The following COL24A1 variants were observed in gnomAD, a reference collection of about 807,000 sequenced individuals.
COL24A1 encodes collagen alpha-1(XXIV) chain.
Under a neutral mutation model 253.9 loss-of-function variants are expected in COL24A1, and 224 were observed. The ratio of observed to expected loss-of-function variants is 0.88; its 90% CI spans 0.79 to 0.99. The LOEUF (loss-of-function observed/expected upper bound fraction) is 0.99, where lower values mean the gene tolerates loss of function less well. Among genes scored for constraint, COL24A1 ranks in the 50% least tolerant of loss-of-function variants. The probability of loss-of-function intolerance (pLI) is 0.00; values close to 1 mark genes in which losing one functional copy is unlikely to be tolerated. For missense variants in COL24A1, 2,131 were observed against 2,068.5 expected (o/e 1.03, Z -0.59); for synonymous variants, 685 against 673.7 (o/e 1.02, Z -0.26).
upstream of COL24A1, chr1:86,156,775 A>T: frequency 6.2e-6 from 1 of 161,144 alleles, no homozygotes; most frequent in Non-Finnish European, 1.3e-5. Flanking sequence ...ACTCCAGTGG[A>T]GTCCTCTGCT....
At chr1:86,029,737 T>C (rs1698383486) in intron 14 of COL24A1, 1 of 151,632 alleles carries the variant, frequency 6.6e-6, no homozygotes, top group South Asian at 2.1e-4. Flanking sequence ...CACCTCAGCC[T>C]CCTAAACAGC....
chr1:86,153,787 T>C (rs1022613930), intron 1 of COL24A1, among the ~76,000 whole-genome samples: 1 of 152,246 alleles, frequency 6.6e-6, no homozygotes, highest in Non-Finnish European at 1.5e-5. Flanking sequence ...AATTCCTTTT[T>C]GGTTATAAAA....
At chr1:85,888,886 T>G (rs1203207292) in intron 32 of COL24A1, among the ~76,000 whole-genome samples, 2 of 152,152 alleles carry the variant, frequency 1.3e-5, no homozygotes, top group East Asian at 3.8e-4. Context: ...TGCAGTTGTT[T>G]GAAAGACTAT....
chr1:85,767,583 A>G (rs1322224827), intron 53 of COL24A1, among the ~76,000 whole-genome samples: 1 of 152,234 alleles, frequency 6.6e-6, no homozygotes, highest in Admixed American at 6.5e-5. Flanking sequence ...ATTTAGTATC[A>G]GTTATCAGTT....
intron 35 of COL24A1, among the ~76,000 whole-genome samples, chr1:85,873,534 T>C (rs7549218): frequency 0.4 from 61,040 of 152,062 alleles, 12,909 homozygotes; most frequent in South Asian, 0.59. Flanking sequence ...TCATGTTCTT[T>C]GTTGGGACAT....
At chr1:85,872,403 A>C (rs1680628060) in intron 35 of COL24A1, among the ~76,000 whole-genome samples, 1 of 152,214 alleles carries the variant, frequency 6.6e-6, no homozygotes, top group Non-Finnish European at 1.5e-5. Context: ...CCTAAGCCAA[A>C]AGAACAAAGC....
At chr1:85,889,512 G>A (rs770826976) in intron 32 of COL24A1, 48 bp downstream of exon 32, 43 of 1,488,592 alleles carry the variant, frequency 2.9e-5, no homozygotes, top group Middle Eastern at 1.7e-4. Context: ...AAATGTAAAT[G>A]TATTTTATGA....
At chr1:86,102,506 A>G (rs1704558032) in intron 5 of COL24A1, among the ~76,000 whole-genome samples, 1 of 151,736 alleles carries the variant, frequency 6.6e-6, no homozygotes, top group Admixed American at 6.6e-5. Context: ...TTTCTTTTTG[A>G]TATGGGTGTT....
At chr1:86,052,903 T>A (rs968683079) in intron 10 of COL24A1, among the ~76,000 whole-genome samples, 2 of 152,066 alleles carry the variant, frequency 1.3e-5, no homozygotes, top group Non-Finnish European at 2.9e-5. Flanking sequence ...AAAACTTTTT[T>A]AGGTGTTTTT....
At chr1:85,990,896 T>C (rs916240020) in intron 19 of COL24A1, among the ~76,000 whole-genome samples, 2 of 152,202 alleles carry the variant, frequency 1.3e-5, no homozygotes, top group Non-Finnish European at 2.9e-5. Flanking sequence ...GAATCAAGAA[T>C]TTGTTCTGCC....
intron 12 of COL24A1, among the ~76,000 whole-genome samples, chr1:86,042,433 A>G: frequency 6.6e-6 from 1 of 152,128 alleles, no homozygotes. Flanking sequence ...CATTTTGGGA[A>G]AAAAGAATTT....
chr1:85,786,503 A>G lies in COL24A1; in HGVS notation c.3952-42T>C, dbSNP rs778455585. ...AGAAATGAAAACTGGGAAAGTTTCT[A>G]AAAAGTCAGTTTAGAGGCTCAATAA... On this transcript the variant is annotated intron_variant, in intron 47 of 59. Transcript: ENST00000370571. 7.0e-6 allele frequency: 11 copies of G among 1,580,142 alleles called. No individual in the cohort carries two copies. The African/African-American group carries it at 9.5e-5, about 14-fold the overall frequency.
rs751864176 is a variant in COL24A1 at position 85,784,280 on chromosome 1, G to A, written c.4146C>T (p.Asp1382=). The change falls in exon 49 of 60, where the codon GAC becomes GAT. Residue 1382 remains aspartate (D), a synonymous_variant. Coordinates refer to ENST00000370571, the MANE Select transcript of COL24A1 (RefSeq NM_152890.7). ...GAQGDQGPCG[D]PGLKGQPGEY... ...ATACAGGCTGCCCTTTCAGGCCAGG[G>A]TCTCCACATGGTCCTTGATCACCTT... 1.9e-6 allele frequency: 3 copies of A among 1,614,012 alleles called. No individual in the cohort carries two copies. The South Asian group carries it at 3.3e-5, about 18-fold the overall frequency.
chr1:86,026,417 G>A (rs573303376), intron 14 of COL24A1, among the ~76,000 whole-genome samples: 1 of 152,248 alleles, frequency 6.6e-6, no homozygotes, highest in African/African-American at 2.4e-5. Context: ...AGATCATTGG[G>A]GAGGATTCCC....
At chr1:86,151,885 CCTT>C (rs1652825758) in intron 1 of COL24A1, among the ~76,000 whole-genome samples, 1 of 152,110 alleles carries the variant, frequency 6.6e-6, no homozygotes, top group South Asian at 2.1e-4. Flanking sequence ...GAGTTGGTGG[CCTT>C]CTTTTAAACC....
At chr1:86,131,371 T>A (rs1649152575) in intron 2 of COL24A1, among the ~76,000 whole-genome samples, 2 of 152,198 alleles carry the variant, frequency 1.3e-5, no homozygotes, top group East Asian at 1.9e-4. Context: ...GTTTTCTTTT[T>A]TATATATATA....
At chr1:85,784,064 C>T in intron 50 of COL24A1, 49 bp downstream of exon 50, 2 of 1,433,684 alleles carry the variant, frequency 1.4e-6, no homozygotes, top group South Asian at 2.5e-5. Flanking sequence ...TTCAACAGCT[C>T]TTTTATTTCT....
chr1:86,085,925 C>T (rs1703028958), intron 7 of COL24A1, among the ~76,000 whole-genome samples: 2 of 152,146 alleles, frequency 1.3e-5, no homozygotes, highest in Admixed American at 1.3e-4. Context: ...GAGAATACTG[C>T]TGCTAATTTG....
chr1:85,961,530 T>G (rs191498496), intron 23 of COL24A1, among the ~76,000 whole-genome samples: 20 of 152,280 alleles, frequency 1.3e-4, no homozygotes, highest in African/African-American at 4.8e-4. Flanking sequence ...ATAAAAATTT[T>G]TAAAAACTCT....
Sources: allele counts gnomAD v4.1 joint callset (sites outside exome capture counted in the v4.1 genomes callset), GRCh38; gene constraint gnomAD v4.1.1; transcripts MANE v1.5; gene names NCBI Gene and HGNC (gene_info 2026-07-23, HGNC 2026-07-21).